The following MARK3 variants were observed in gnomAD, a reference collection of about 807,000 sequenced individuals.
The protein encoded by MARK3 is microtubule affinity regulating kinase 3, also known as MAP/microtubule affinity-regulating kinase 3.
In MARK3, 46 loss-of-function variants were observed where a neutral mutation model predicts 90.1. The observed-to-expected ratio is 0.51, with a 90% CI of 0.40 to 0.65. The LOEUF (loss-of-function observed/expected upper bound fraction) is 0.65. MARK3 is among the 30% of genes least tolerant of loss of function. The pLI is 0.00. For synonymous variants in MARK3, 321 were observed against 332.6 expected, an observed-to-expected ratio of 0.97 and a Z score of 0.38; for missense variants, 818 against 947.2, an observed-to-expected ratio of 0.86 and a Z score of 1.79.
intron 15 of MARK3, among the ~76,000 whole-genome samples, chr14:103,494,927 A>C (rs1466747382): frequency 3.9e-5 from 6 of 152,336 alleles, no homozygotes; most frequent in African/African-American, 1.4e-4. Context: ...ATTATGTGCT[A>C]AGGTAGATGT....
chr14:103,498,469 A>AATTTTTTTTTTTTTTTTTTT (rs1566946815), intron 15 of MARK3, 33 bp from the exon 16 acceptor site: 1 of 1,103,212 alleles, frequency 9.1e-7, no homozygotes. Flanking sequence ...TATTTTTGTT[A>AATTTTTTTTTTTTTTTTTTT]ATTTTTTTTT....
At chr14:103,474,180 G>C (rs2093677614) in intron 12 of MARK3, among the ~76,000 whole-genome samples, 2 of 152,200 alleles carry the variant, frequency 1.3e-5, no homozygotes, top group Admixed American at 1.3e-4. Context: ...ACTCCAGCCT[G>C]GGCGAGAGAG....
In MARK3 at chr14:103,449,028, A is replaced by G. The variant is rs2093065455; in HGVS notation, c.346+61A>G. On this transcript the variant is annotated intron_variant, in intron 4 of 17. Coordinates refer to ENST00000429436, the MANE Select transcript of MARK3 (RefSeq NM_001128918.3). ...ATACGTACTTGAAATTATGTCATAA[A>G]GCTAAACACGTATTCTAGAAATGGT... 62 of 1,461,600 alleles carry G rather than the reference A, an allele frequency of 4.2e-5. 2 individuals carry two copies. In the South Asian group the frequency reaches 7.5e-4, roughly 18 times the overall value. 90.5% of individuals were successfully genotyped at this position (1,461,600 alleles called of 1,614,324 possible). A position where few individuals can be genotyped will look rare whatever the true frequency, so the allele number is the denominator to read the frequency against.
intron 2 of MARK3, among the ~76,000 whole-genome samples, chr14:103,426,448 A>AT (rs1440837848): frequency 1.4e-4 from 21 of 152,178 alleles, no homozygotes; most frequent in Admixed American, 1.3e-3. Flanking sequence ...TTGGCTATAG[A>AT]TGCTTTCTTC....
Position 103,414,452 on chromosome 14 carries a change from G to A in MARK3, c.243+9185G>A, listed in dbSNP as rs796950434. Among the ~76,000 whole-genome samples the A allele has an allele frequency of 1.3e-4, 20 of 152,194 alleles. 1 individual carries two copies. Among genetic ancestry groups the A allele is most frequent in the African/African-American group, 4.3e-4 (18 of 41,542 alleles). ...ACTCCCGACCTCAGATGATCCGCCCGCCTTGGCCTCCCCAGGTGCTGGGAT... is the reference window on the plus strand; with the variant it reads ...ACTCCCGACCTCAGATGATCCGCCCACCTTGGCCTCCCCAGGTGCTGGGAT... On this transcript the variant is annotated intron_variant, in intron 2 of 17. Transcript: ENST00000429436.
rs1349322664 is a variant in MARK3, at chr14:103,394,506, G to T, written c.51+8426G>T. 5.3e-5 allele frequency among the ~76,000 whole-genome samples: 8 copies of T among 152,156 alleles called. No homozygotes were observed. In the South Asian group the frequency reaches 1.7e-3, roughly 32 times the overall value. ...CTAGCACTACACTCTAGCCACTCAA[G>T]CTGCTCAACTATGGTTGGTCTTGTG... On this transcript the variant is annotated intron_variant, in intron 1 of 17. Coordinates refer to ENST00000429436, the MANE Select transcript of MARK3 (RefSeq NM_001128918.3).
Position 103,436,528 on chromosome 14 carries a change from A to G in MARK3, c.297+8088A>G, listed in dbSNP as rs558395187. On this transcript the variant is annotated intron_variant, in intron 3 of 17. Coordinates refer to ENST00000429436, the MANE Select transcript of MARK3 (RefSeq NM_001128918.3). Reference sequence around the variant, plus strand: ...GTTACAGTCTTGTCTGTTATTTAAAATCCAGTGTCTGCATTCACATCAGTG... The same window carrying G: ...GTTACAGTCTTGTCTGTTATTTAAAGTCCAGTGTCTGCATTCACATCAGTG... Among the ~76,000 whole-genome samples the G allele has an allele frequency of 2.6e-5, 4 of 152,072 alleles. No homozygotes were observed. The East Asian group carries it at 7.7e-4, about 29-fold the overall frequency.
chr14:103,433,759 T>A (rs2092648857), intron 3 of MARK3, among the ~76,000 whole-genome samples: 1 of 152,134 alleles, frequency 6.6e-6, no homozygotes. Context: ...TCTAGGAAGG[T>A]CAGATAACAA....
At chr14:103,484,020 C>G (rs1174553042) in intron 14 of MARK3, among the ~76,000 whole-genome samples, 1 of 152,256 alleles carries the variant, frequency 6.6e-6, no homozygotes, top group South Asian at 2.1e-4. Context: ...AATAATGTTG[C>G]TAAACCACCT....
intron 2 of MARK3, among the ~76,000 whole-genome samples, chr14:103,408,005 G>A (rs2091416321): frequency 6.6e-6 from 1 of 152,044 alleles, no homozygotes; most frequent in Admixed American, 6.6e-5. Context: ...TAAAAATCCC[G>A]ATACTCCCCT....
chr14:103,462,655 A>C (rs902978676), intron 7 of MARK3, among the ~76,000 whole-genome samples, 194 bp downstream of exon 7: 3 of 152,240 alleles, frequency 2.0e-5, no homozygotes, highest in Non-Finnish European at 2.9e-5. Context: ...AAAGTATTTT[A>C]CATTTCAGTT....
rs745963589 is a variant in MARK3 at position 103,480,406 on chromosome 14, G to A, written c.1502G>A (p.Gly501Glu). ...TVPSSNTASG[G>E]MTRRNTYVCS... ...TTATAGAGTAACACAGCATCTGGTG[G>A]AATGACACGACGAAATACTTATGTT... is the stretch of plus-strand genomic sequence containing the variant. The change falls in exon 14 of 18, where the codon GGA becomes GAA. Residue 501 changes from glycine to glutamate, a missense_variant. Transcript: ENST00000429436. 1 of 1,612,262 alleles carries A rather than the reference G, an allele frequency of 6.2e-7. No individual in the cohort carries two copies. The highest frequency in any genetic ancestry group is 1.7e-5 in the Admixed American group (1 of 59,966).
rs1398859844 is a variant in MARK3 at position 103,491,921 on chromosome 14, T to G, written c.1731T>G (p.Tyr577Ter). The stretch of plus-strand genomic sequence containing the variant: ...CCCGGGAACGGCGAACCGCAACATA[T>G]AATGGCCCTCCTGCCTCTCCCAGCC... ...GQPRERRTAT[Y>*]NGPPASPSLS... Residue 577 changes from tyrosine (Y) to a stop codon, truncating the protein, a stop_gained, in exon 15 of 18, where the codon TAT becomes TAG. Transcript: ENST00000429436. LOFTEE classifies it high-confidence loss of function. The G allele has an allele frequency of 6.2e-7, 1 of 1,613,996 alleles. No individual in the cohort carries two copies. Among genetic ancestry groups the G allele is most frequent in the Admixed American group, 1.7e-5 (1 of 59,978 alleles).
rs766452645 is a variant in MARK3 at position 103,491,984 on chromosome 14, CCGAGGCTCCACTAAT to C, written c.1796_1810del (p.Arg599_Asn603del). On this transcript the variant is annotated inframe_deletion, in exon 15 of 18. Transcript: ENST00000429436. ...CCACACCATTGTCCCAGACTCGAAG[CCGAGGCTCCACTAAT>C]CTCTTTAGTAAATTAACTTCAAAAC... The C allele has an allele frequency of 6.2e-7, 1 of 1,614,184 alleles. No individual in the cohort carries two copies. The highest frequency in any genetic ancestry group is 2.2e-5 in the East Asian group (1 of 44,882).
chr14:103,411,801 T>G (rs545860956), intron 2 of MARK3, among the ~76,000 whole-genome samples: 58 of 152,038 alleles, frequency 3.8e-4, no homozygotes, highest in Non-Finnish European at 7.9e-4. Context: ...TTTTGTATTT[T>G]TAGTAGAGAG....
chr14:103,450,947 T>G (rs1039489154), intron 4 of MARK3, among the ~76,000 whole-genome samples: 6 of 74,928 alleles, frequency 8.0e-5, no homozygotes, highest in Admixed American at 1.8e-4. Context: ...TTTTTTTTTT[T>G]TGAGACAGGG....
At position 103,466,058 on chromosome 14, in the gene MARK3, G is replaced by A; in HGVS notation, c.864G>A (p.Leu288=). 6.2e-7 allele frequency: 1 copy of A among 1,613,904 alleles called. No homozygotes were observed. The highest frequency in any genetic ancestry group is 8.5e-7 in the Non-Finnish European group (1 of 1,179,984). ...GTGAAAACCTTCTCAAACGTTTCCT[G>A]GTGCTAAATCCAATTAAACGCGGCA... ...TDCENLLKRF[L]VLNPIKRGTL... The change falls in exon 9 of 18, where the codon CTG becomes CTA. Residue 288 remains leucine, a synonymous_variant. Transcript: ENST00000429436.
At chr14:103,476,208 A>T (rs1342991503) in intron 13 of MARK3, among the ~76,000 whole-genome samples, 1 of 152,194 alleles carries the variant, frequency 6.6e-6, no homozygotes. Context: ...AAGACCTCAC[A>T]GTCTAACAGG....
intron 17 of MARK3, 51 bp from the exon 18 acceptor site, chr14:103,502,831 A>G: frequency 6.9e-7 from 1 of 1,440,260 alleles, no homozygotes; most frequent in Non-Finnish European, 9.6e-7. Context: ...GAAGTGTAAG[A>G]GGTTGATTTT....
Sources: gnomAD v4.1 joint callset for allele counts (sites outside exome capture counted in the v4.1 genomes callset) on GRCh38, gnomAD v4.1.1 for gene constraint, MANE v1.5 for transcripts, NCBI Gene and HGNC (gene_info 2026-07-23, HGNC 2026-07-21) for gene names.